The following HTR7 variants were observed in gnomAD, a reference collection of about 807,000 sequenced individuals.
The protein encoded by HTR7 is 5-HT-7.
HTR7 carries 16 observed loss-of-function variants against 34.0 expected under a neutral mutation model. The ratio of observed to expected loss-of-function variants is 0.47; its 90% CI spans 0.32 to 0.71. The LOEUF is 0.71. Ranked by LOEUF, HTR7 falls within the 30% of genes least tolerant of loss-of-function variation. HTR7 has a pLI of 0.04. For synonymous variants in HTR7, 265 were observed against 260.2 expected, an observed-to-expected ratio of 1.02 and a Z score of -0.18; for missense variants, 504 against 625.5, an observed-to-expected ratio of 0.81 and a Z score of 2.07.
At chr10:90,856,677 A>C (rs961206898) in intron 1 of HTR7, among the ~76,000 whole-genome samples, 1 of 152,144 alleles carries the variant, frequency 6.6e-6, no homozygotes, top group African/African-American at 2.4e-5. Flanking sequence ...TTCTAGAACC[A>C]TCCAAGGTCC....
At chr10:90,809,945 G>A (rs755927658) in intron 1 of HTR7, among the ~76,000 whole-genome samples, 15 of 152,154 alleles carry the variant, frequency 9.9e-5, no homozygotes, top group Non-Finnish European at 1.6e-4. Context: ...CACGGACTCC[G>A]AGCTTCGGGT....
At chr10:90,784,441 C>T (rs1056209415) in intron 1 of HTR7, among the ~76,000 whole-genome samples, 1 of 152,180 alleles carries the variant, frequency 6.6e-6, no homozygotes, top group Non-Finnish European at 1.5e-5. Flanking sequence ...AATTCCTCCC[C>T]TACAGGACTA....
At chr10:90,806,563 C>T (rs1196546073) in intron 1 of HTR7, among the ~76,000 whole-genome samples, 1 of 151,872 alleles carries the variant, frequency 6.6e-6, no homozygotes, top group African/African-American at 2.4e-5. Context: ...CACGCCTCTG[C>T]ACTCCAGCCT....
chr10:90,766,913 G>A (rs1380755685), intron 1 of HTR7, among the ~76,000 whole-genome samples: 2 of 152,174 alleles, frequency 1.3e-5, no homozygotes, highest in African/African-American at 4.8e-5. Flanking sequence ...AGCATTGACA[G>A]ACAGACAGAG....
chr10:90,768,464 T>TC (rs1387027151), intron 1 of HTR7, among the ~76,000 whole-genome samples: 3 of 152,210 alleles, frequency 2.0e-5, no homozygotes, highest in Non-Finnish European at 4.4e-5. Context: ...CCAATATGTA[T>TC]CACTTTTATT....
chr10:90,857,905 G>A lies in HTR7; in HGVS notation c.-234C>T, dbSNP rs1846623317. ...GGGGACTCCCTGCGGGAGGCGCTTC[G>A]GCCCCCGACGGACGCCTGGGACGCG... On this transcript the variant is annotated 5_prime_UTR_variant, in exon 1 of 4. Transcript: ENST00000336152. This position sits in a 1 kb window ranked among gnomAD's most constrained non-coding sequence, Gnocchi z 6.5. Among the ~76,000 whole-genome samples, 1 of 151,250 alleles carries A rather than the reference G, an allele frequency of 6.6e-6. No homozygotes were observed.
At chr10:90,763,774 G>C (rs1056430421) in intron 1 of HTR7, among the ~76,000 whole-genome samples, 2 of 152,132 alleles carry the variant, frequency 1.3e-5, no homozygotes, top group Non-Finnish European at 2.9e-5. Flanking sequence ...CTTCACCCAT[G>C]TCCCTGCAAA....
chr10:90,762,267 T>C (rs1564673352), intron 1 of HTR7, among the ~76,000 whole-genome samples: 1 of 152,246 alleles, frequency 6.6e-6, no homozygotes, highest in Non-Finnish European at 1.5e-5. Context: ...GCATAGGGGT[T>C]CCCTTTTCTC....
intron 1 of HTR7, among the ~76,000 whole-genome samples, chr10:90,754,268 T>C (rs747013612): frequency 6.6e-6 from 1 of 152,090 alleles, no homozygotes; most frequent in African/African-American, 2.4e-5. Context: ...AAAGAACTCA[T>C]TGGCCTTTAA....
At chr10:90,812,200 C>T (rs1451878318) in intron 1 of HTR7, among the ~76,000 whole-genome samples, 1 of 152,184 alleles carries the variant, frequency 6.6e-6, no homozygotes, top group Non-Finnish European at 1.5e-5. Context: ...AGTCTCATTC[C>T]AGACACCAGA....
At chr10:90,807,794 C>T (rs1291963548) in intron 1 of HTR7, among the ~76,000 whole-genome samples, 1 of 150,662 alleles carries the variant, frequency 6.6e-6, no homozygotes, top group South Asian at 2.1e-4. Context: ...ATCCCCTGTC[C>T]TCCTGTTCTT....
chr10:90,788,629 TATGAC>T (rs1407079911), intron 1 of HTR7, among the ~76,000 whole-genome samples: 1 of 152,240 alleles, frequency 6.6e-6, no homozygotes, highest in Admixed American at 6.5e-5. Flanking sequence ...AATGTATCAG[TATGAC>T]ATAAGATTAA....
chr10:90,853,583 TTGTGAGTCACCACATC>T, intron 1 of HTR7, among the ~76,000 whole-genome samples: 1 of 151,940 alleles, frequency 6.6e-6, no homozygotes, highest in Admixed American at 6.6e-5. Flanking sequence ...GGGATTACAG[TTGTGAGTCACCACATC>T]TGGCTGGTAA....
chr10:90,835,301 C>A (rs1416672718), intron 1 of HTR7, among the ~76,000 whole-genome samples: 1 of 152,206 alleles, frequency 6.6e-6, no homozygotes, highest in Non-Finnish European at 1.5e-5. Flanking sequence ...ACCACCCTTA[C>A]AGGAAGACCT....
intron 1 of HTR7, among the ~76,000 whole-genome samples, chr10:90,820,583 C>A (rs998419268): frequency 6.6e-6 from 1 of 152,154 alleles, no homozygotes; most frequent in African/African-American, 2.4e-5. Flanking sequence ...AGATCCCAAG[C>A]AGCTGAACTA....
intron 1 of HTR7, among the ~76,000 whole-genome samples, chr10:90,760,423 T>G (rs1844917104): frequency 6.6e-6 from 1 of 152,210 alleles, no homozygotes; most frequent in Non-Finnish European, 1.5e-5. Flanking sequence ...AGTTCTAGTG[T>G]TCTATAGCAT....
rs1357930110 is a variant in HTR7 at position 90,749,678 on chromosome 10, G to A, written c.540-84C>T. ...CAAGTCCTGCCAGCCAGGTACCAGC[G>A]CCAGTCCTCGCAACAGCCCTTCTAG... On this transcript the variant is annotated intron_variant, in intron 1 of 3. Coordinates refer to ENST00000336152, the MANE Select transcript of HTR7 (RefSeq NM_019859.4). This position sits in a 1 kb window ranked among gnomAD's most constrained non-coding sequence, Gnocchi z 4.2. 39 of 1,303,684 alleles carry A rather than the reference G, an allele frequency of 3.0e-5. No individual in the cohort carries two copies. Among genetic ancestry groups the A allele is most frequent in the Non-Finnish European group, 3.7e-5 (35 of 941,242 alleles). 80.8% of individuals were successfully genotyped at this position (1,303,684 alleles called of 1,614,324 possible). A position where few individuals can be genotyped will look rare whatever the true frequency, so the allele number is the denominator to read the frequency against.
intron 1 of HTR7, among the ~76,000 whole-genome samples, chr10:90,792,789 G>C (rs1179555582): frequency 2.0e-5 from 3 of 152,038 alleles, no homozygotes; most frequent in Admixed American, 6.6e-5. Context: ...GAACTTATCA[G>C]AATGGAGAAA....
chr10:90,749,043 C>T lies in HTR7; in HGVS notation c.1091G>A (p.Trp364Ter). ...CGTSCSCIPL[W>*]VERTFLWLGY... is the part of the protein sequence containing the mutation. ...TAGCCACAGAAATGTCCTCTCCACCCACAGTGGGATGCAGCTGCAGGAAGT... is the reference window on the plus strand; with the variant it reads ...TAGCCACAGAAATGTCCTCTCCACCTACAGTGGGATGCAGCTGCAGGAAGT... Residue 364 changes from tryptophan (W) to a stop codon, truncating the protein, a stop_gained, in exon 2 of 4, where the codon TGG becomes TAG. Transcript: ENST00000336152. LOFTEE classifies it high-confidence loss of function. The surrounding 1 kb of genome is among the most constrained non-coding windows in gnomAD (Gnocchi z 4.2). 6.2e-7 allele frequency: 1 copy of T among 1,614,034 alleles called. No individual in the cohort carries two copies. Among genetic ancestry groups the T allele is most frequent in the South Asian group, 1.1e-5 (1 of 91,058 alleles).
Sources: gnomAD v4.1 joint callset for allele counts (sites outside exome capture counted in the v4.1 genomes callset) on GRCh38, gnomAD v4.1.1 for gene constraint, Gnocchi (gnomAD v3.1) non-coding constraint, MANE v1.5 for transcripts, NCBI Gene and HGNC (gene_info 2026-07-23, HGNC 2026-07-21) for gene names.